DNAH14: variants seen among roughly 807,000 people sequenced by gnomAD.
The protein encoded by DNAH14 is axonemal beta dynein heavy chain 14.
In DNAH14, 478 loss-of-function variants were observed where a neutral mutation model predicts 520.9. The observed-to-expected ratio is 0.92, with a 90% confidence interval of 0.85 to 0.99. The LOEUF is 0.99. Ranked by LOEUF, DNAH14 falls within the 50% of genes least tolerant of loss-of-function variation. DNAH14 has a pLI of 0.00. For synonymous variants in DNAH14, 1,581 were observed against 1,757.2 expected (o/e 0.90, Z 2.51); for missense variants, 4,831 against 5,234.5 (o/e 0.92, Z 2.38).
rs568444354 is a variant in DNAH14 at position 225,316,963 on chromosome 1, A to G, written c.9241-1620A>G. On this transcript the variant is annotated intron_variant, in intron 60 of 85. Transcript: ENST00000682510. ...GTGTTTTTCATTTTTGATAGTTTAG[A>G]AGTTTCTTTCAACTTTCTAAGTTAT... Among the ~76,000 whole-genome samples the G allele has an allele frequency of 7.2e-5, 11 of 152,326 alleles. No individual in the cohort carries two copies. The South Asian group carries it at 8.3e-4, about 11-fold the overall frequency.
At chr1:225,129,959 A>G (rs946483153) in intron 27 of DNAH14, among the ~76,000 whole-genome samples, 5 of 152,336 alleles carry the variant, frequency 3.3e-5, no homozygotes, top group African/African-American at 7.2e-5. Context: ...AATGAACTCA[A>G]ACAAATTTAC....
At chr1:225,292,733 G>T (rs2150013375) in intron 55 of DNAH14, among the ~76,000 whole-genome samples, 1 of 152,150 alleles carries the variant, frequency 6.6e-6, no homozygotes, top group South Asian at 2.1e-4. Flanking sequence ...TCATGAACAT[G>T]GGATGTCTTT....
chr1:225,204,549 A>G (rs1372054155), intron 39 of DNAH14, among the ~76,000 whole-genome samples: 1 of 152,182 alleles, frequency 6.6e-6, no homozygotes, highest in South Asian at 2.1e-4. Flanking sequence ...GTAGAAATAA[A>G]CAATGATGTG....
intron 29 of DNAH14, 77 bp downstream of exon 29, chr1:225,144,705 C>A: frequency 8.7e-7 from 1 of 1,146,040 alleles, no homozygotes; most frequent in Non-Finnish European, 1.2e-6. Flanking sequence ...CTTAAATTTA[C>A]ACCATTCCTG....
rs1452855125 is a variant in DNAH14, at chr1:225,216,616, ACTTCT to A, written c.6439+9403_6439+9407del. Among the ~76,000 whole-genome samples the A allele has an allele frequency of 3.3e-5, 5 of 151,418 alleles. No homozygotes were observed. In the East Asian group the frequency reaches 5.9e-4, roughly 18 times the overall value. On this transcript the variant is annotated intron_variant, in intron 41 of 85. Coordinates refer to ENST00000682510, the MANE Select transcript of DNAH14 (RefSeq NM_001367479.1). ...TTTCTTTTTACTCTTTTTTCTCTAA[ACTTCT>A]CTTCTCACTTCATTTCATTCATTTG...
At chr1:225,075,624 G>A (rs1286230827) in intron 17 of DNAH14, among the ~76,000 whole-genome samples, 10 of 152,150 alleles carry the variant, frequency 6.6e-5, no homozygotes, top group Admixed American at 2.6e-4. Flanking sequence ...AGCTACTCAG[G>A]AAATTAAGGT....
At chr1:225,341,472 G>A (rs1053923656) in intron 69 of DNAH14, among the ~76,000 whole-genome samples, 2 of 151,946 alleles carry the variant, frequency 1.3e-5, no homozygotes, top group African/African-American at 4.8e-5. Flanking sequence ...AAATACACCA[G>A]CCTGACCAAC....
intron 38 of DNAH14, among the ~76,000 whole-genome samples, chr1:225,197,551 A>T (rs2086313967): frequency 6.6e-6 from 1 of 152,042 alleles, no homozygotes. Flanking sequence ...TATAAATTTT[A>T]GGATTGTTTT....
chr1:225,342,138 T>C (rs3913657), intron 69 of DNAH14, among the ~76,000 whole-genome samples: 37,228 of 152,058 alleles, frequency 0.24, 4,927 homozygotes, highest in African/African-American at 0.34. Flanking sequence ...GGCAAGTCCA[T>C]TTGTTACCAG....
intron 28 of DNAH14, among the ~76,000 whole-genome samples, chr1:225,142,895 C>T (rs1318472698): frequency 6.6e-6 from 1 of 152,098 alleles, no homozygotes; most frequent in African/African-American, 2.4e-5. Flanking sequence ...CACTGCACTC[C>T]AGCCTGGGTG....
At chr1:225,243,281 T>C (rs1335921485) in intron 43 of DNAH14, among the ~76,000 whole-genome samples, 1 of 151,784 alleles carries the variant, frequency 6.6e-6, no homozygotes, top group African/African-American at 2.4e-5. Flanking sequence ...GAAATATCAG[T>C]ATAAAACTAG....
rs149399134 is a variant in DNAH14, at chr1:225,013,881, C to T, written c.1107+6337C>T. On this transcript the variant is annotated intron_variant, in intron 10 of 85. Coordinates refer to ENST00000682510, the MANE Select transcript of DNAH14 (RefSeq NM_001367479.1). ...AGAATTTCAACCCAGTGGATCTTAG[C>T]TTGCTGGGCTCCTTGGGGGTGGGAT... Among the ~76,000 whole-genome samples the T allele has an allele frequency of 3.8e-3, 586 of 152,280 alleles. 5 individuals are homozygous for T. Among genetic ancestry groups the T allele is most frequent in the African/African-American group, 0.013 (553 of 41,542 alleles).
chr1:225,386,602 A>G (rs1266087561), intron 81 of DNAH14, among the ~76,000 whole-genome samples: 1 of 152,262 alleles, frequency 6.6e-6, no homozygotes, highest in Non-Finnish European at 1.5e-5. Flanking sequence ...AAAAGAAGAC[A>G]TTTATGCAGC....
Position 225,136,935 on chromosome 1 carries a change from G to T in DNAH14, c.4255-3833G>T, listed in dbSNP as rs143880626. ...GCTCTGAGATTCTTTCCTCCACTTG[G>T]TCTATTCTGCTATTGATACTTGTGA... is the stretch of plus-strand genomic sequence containing the variant. On this transcript the variant is annotated intron_variant, in intron 27 of 85. Coordinates refer to ENST00000682510, the MANE Select transcript of DNAH14 (RefSeq NM_001367479.1). 7.1e-3 allele frequency among the ~76,000 whole-genome samples: 1,080 copies of T among 151,956 alleles called. 9 individuals are homozygous for T. Among genetic ancestry groups the T allele is most frequent in the African/African-American group, 0.024 (1,012 of 41,420 alleles).
At position 225,281,979 on chromosome 1, in the gene DNAH14, C is replaced by T. The variant is rs79051394; in HGVS notation, c.8271+4477C>T. Among the ~76,000 whole-genome samples, 1,210 of 145,594 alleles carry T rather than the reference C, an allele frequency of 8.3e-3. 9 individuals are homozygous for T. The highest frequency in any genetic ancestry group is 0.012 in the Non-Finnish European group (806 of 65,464). On this transcript the variant is annotated intron_variant, in intron 54 of 85. Coordinates refer to ENST00000682510, the MANE Select transcript of DNAH14 (RefSeq NM_001367479.1). ...CTTAATATTCATACACACACACACACGACGGTAACTATGTAAAGATAGTGG... is the reference window on the plus strand; with the variant it reads ...CTTAATATTCATACACACACACACATGACGGTAACTATGTAAAGATAGTGG...
chr1:225,176,804 T>C (rs1004552436), intron 36 of DNAH14, among the ~76,000 whole-genome samples: 2 of 152,222 alleles, frequency 1.3e-5, no homozygotes, highest in African/African-American at 4.8e-5. Context: ...TCCCCAGCCA[T>C]GTGGAACTGT....
At chr1:225,131,360 G>GA (rs1325443849) in intron 27 of DNAH14, among the ~76,000 whole-genome samples, 3 of 152,136 alleles carry the variant, frequency 2.0e-5, no homozygotes, top group Non-Finnish European at 4.4e-5. Flanking sequence ...GGCTCTTGGG[G>GA]AAAATCTGTT....
chr1:225,273,275 C>CA lies in DNAH14; in HGVS notation c.8010+157dup, dbSNP rs1331836800. 3.9e-5 allele frequency: 35 copies of CA among 892,740 alleles called. No homozygotes were observed. In the East Asian group the frequency reaches 8.9e-4, roughly 23 times the overall value. The allele number at this position is 892,740 out of a possible 1,614,324, so 55.3% of individuals were successfully genotyped here. The stretch of plus-strand genomic sequence containing the variant: ...TGAAACCCCGTGTCTACTAAAAATA[C>CA]AAAAAAATTAGCCGGGCGTGGTGAT... On this transcript the variant is annotated intron_variant, in intron 52 of 85. Coordinates refer to ENST00000682510, the MANE Select transcript of DNAH14 (RefSeq NM_001367479.1).
intron 54 of DNAH14, among the ~76,000 whole-genome samples, chr1:225,278,275 C>T (rs1490982331): frequency 6.6e-6 from 1 of 152,176 alleles, no homozygotes; most frequent in Non-Finnish European, 1.5e-5. Flanking sequence ...ATGGTATCAC[C>T]ATATATCCAC....
Sources: allele counts gnomAD v4.1 joint callset (sites outside exome capture counted in the v4.1 genomes callset), GRCh38; gene constraint gnomAD v4.1.1; transcripts MANE v1.5; gene names NCBI Gene and HGNC (gene_info 2026-07-23, HGNC 2026-07-21).